The following FBLN7 variants were observed in gnomAD, a reference collection of about 807,000 sequenced individuals.
FBLN7 encodes fibulin-7.
Under a neutral mutation model 44.0 loss-of-function variants are expected in FBLN7, and 31 were observed. That is an observed-to-expected ratio of 0.70 (90% CI 0.53 to 0.95). The LOEUF is 0.95. Among genes scored for constraint, FBLN7 ranks in the 40% least tolerant of loss-of-function variants. The probability of loss-of-function intolerance (pLI) is 0.00; values close to 1 mark genes in which losing one functional copy is unlikely to be tolerated. For synonymous variants in FBLN7, 262 were observed against 253.4 expected, an observed-to-expected ratio of 1.03 and a Z score of -0.32; for missense variants, 573 against 618.5, an observed-to-expected ratio of 0.93 and a Z score of 0.78.
At chr2:112,178,500 G>A (rs1272299594) in intron 4 of FBLN7, among the ~76,000 whole-genome samples, 4 of 152,024 alleles carry the variant, frequency 2.6e-5, no homozygotes, top group Admixed American at 6.6e-5. Context: ...CAACTTATTC[G>A]ATGAGGCCAG....
the FBLN7 span, among the ~76,000 whole-genome samples, chr2:112,205,448 T>C: frequency 4.2e-3 from 638 of 151,422 alleles, 6 homozygotes; most frequent in African/African-American, 0.014. Context: ...CAAAATACTA[T>C]AGAGAAATAA....
intron 4 of FBLN7, among the ~76,000 whole-genome samples, chr2:112,178,818 T>G (rs1209630840): frequency 6.6e-6 from 1 of 152,104 alleles, no homozygotes. Context: ...TGTTAAAAAC[T>G]CTCAACAAAC....
downstream of FBLN7, among the ~76,000 whole-genome samples, chr2:112,192,396 C>G (rs1683519860): frequency 6.6e-6 from 1 of 152,086 alleles, no homozygotes; most frequent in African/African-American, 2.4e-5. Context: ...GACAGAGAGG[C>G]CTGAGTGGAG....
chr2:112,194,986 AG>A, the FBLN7 span, among the ~76,000 whole-genome samples: 1 of 152,220 alleles, frequency 6.6e-6, no homozygotes, highest in Non-Finnish European at 1.5e-5. Context: ...GTTGGGGGAA[AG>A]GGATCACTGG....
the FBLN7 span, chr2:112,231,945 C>G: frequency 6.6e-7 from 1 of 1,509,500 alleles, no homozygotes; most frequent in African/African-American, 1.4e-5. Context: ...CAAGGATATT[C>G]ATGTAACCCA....
the FBLN7 span, among the ~76,000 whole-genome samples, chr2:112,197,272 CACAGAGAGAGAGAG>C: frequency 1.0e-4 from 12 of 119,920 alleles, no homozygotes; most frequent in East Asian, 4.4e-4. Flanking sequence ...CACACACACA[CACAGAGAGAGAGAG>C]AGAGAGAGAG....
the FBLN7 span, among the ~76,000 whole-genome samples, chr2:112,229,474 A>T: frequency 7.4e-3 from 1,133 of 152,308 alleles, 17 homozygotes; most frequent in African/African-American, 0.026. Context: ...CCAATGGGTT[A>T]TAAGTAAATG....
intron 3 of FBLN7, among the ~76,000 whole-genome samples, chr2:112,168,339 C>T (rs771091993): frequency 1.3e-5 from 2 of 152,178 alleles, no homozygotes; most frequent in African/African-American, 2.4e-5. Context: ...AGGTGATGGC[C>T]AGTCCAGGAT....
At chr2:112,151,694 C>G (rs893173036) in intron 1 of FBLN7, 1 of 152,134 alleles carries the variant, frequency 6.6e-6, no homozygotes, top group African/African-American at 2.4e-5. Flanking sequence ...AATGTGCTGC[C>G]ATTTTTGCTG....
the FBLN7 span, among the ~76,000 whole-genome samples, chr2:112,195,392 G>A: frequency 6.6e-6 from 1 of 152,140 alleles, no homozygotes; most frequent in South Asian, 2.1e-4. Context: ...CTTTCTTATG[G>A]TTGGCTGAGT....
intron 4 of FBLN7, among the ~76,000 whole-genome samples, chr2:112,180,721 C>A (rs1682937159): frequency 6.6e-6 from 1 of 151,926 alleles, no homozygotes; most frequent in African/African-American, 2.4e-5. Flanking sequence ...GAGATCAAGA[C>A]CATCCTGGCT....
chr2:112,187,503 C>G lies in FBLN7; in HGVS notation c.1317C>G (p.Phe439Leu). Reference protein sequence around the residue: ...KVTIFVSPYDF With the variant: ...KVTIFVSPYDL ...CCATCTTTGTATCCCCCTATGACTT[C>G]TGAGGGTACACAGGGGCACTGGGGT... is the stretch of plus-strand genomic sequence containing the variant. Residue 439 changes from phenylalanine to leucine, a missense_variant, in exon 8 of 8, where the codon TTC (phenylalanine) becomes TTG (leucine). Coordinates refer to ENST00000331203, the MANE Select transcript of FBLN7 (RefSeq NM_153214.3). This position sits in a 1 kb window ranked among gnomAD's most constrained non-coding sequence, Gnocchi z 5.1. The G allele has an allele frequency of 6.2e-7, 1 of 1,613,972 alleles. No individual in the cohort carries two copies. Among genetic ancestry groups the G allele is most frequent in the Non-Finnish European group, 8.5e-7 (1 of 1,179,930 alleles).
chr2:112,157,788 C>T (rs1681508335), intron 1 of FBLN7, among the ~76,000 whole-genome samples: 1 of 152,146 alleles, frequency 6.6e-6, no homozygotes, highest in South Asian at 2.1e-4. Context: ...TTTGTAGAGA[C>T]AGGGTCTCAG....
chr2:112,215,852 G>A, the FBLN7 span: 6 of 152,064 alleles, frequency 3.9e-5, no homozygotes, highest in African/African-American at 1.4e-4. Context: ...GAAAAGTTAC[G>A]AACTCTAAAT....
intron 3 of FBLN7, among the ~76,000 whole-genome samples, chr2:112,174,413 A>G (rs1420063900): frequency 1.3e-5 from 2 of 152,170 alleles, no homozygotes; most frequent in African/African-American, 2.4e-5. Context: ...TGACATCCCA[A>G]TCTCCAGGAG....
At chr2:112,228,278 G>T in the FBLN7 span, among the ~76,000 whole-genome samples, 1 of 152,176 alleles carries the variant, frequency 6.6e-6, no homozygotes, top group Non-Finnish European at 1.5e-5. Context: ...AAGGTGGGCA[G>T]ATCACCTGAG....
the FBLN7 span, chr2:112,230,870 G>GA: frequency 1.6e-6 from 2 of 1,266,566 alleles, no homozygotes; most frequent in East Asian, 4.0e-5. Context: ...GTTCAGACAA[G>GA]AAAAAAAGAA....
chr2:112,202,850 C>G, the FBLN7 span, among the ~76,000 whole-genome samples: 1 of 152,034 alleles, frequency 6.6e-6, no homozygotes, highest in South Asian at 2.1e-4. Flanking sequence ...AAAACTCCAC[C>G]CCCCACTAAA....
intron 1 of FBLN7, among the ~76,000 whole-genome samples, chr2:112,146,242 C>A (rs914202738): frequency 6.6e-6 from 1 of 152,182 alleles, no homozygotes; most frequent in East Asian, 1.9e-4. Flanking sequence ...ATTGCTTGAA[C>A]CCGGGAGGCA....
Sources: allele counts gnomAD v4.1 joint callset (sites outside exome capture counted in the v4.1 genomes callset), GRCh38; gene constraint gnomAD v4.1.1; non-coding constraint Gnocchi (gnomAD v3.1); transcripts MANE v1.5; gene names NCBI Gene and HGNC (gene_info 2026-07-23, HGNC 2026-07-21).